Variants in RAB11FIP5 observed in about 807,000 individuals in gnomAD.
The protein encoded by RAB11FIP5 is rab11 family-interacting protein 5.
Under a neutral mutation model 85.1 loss-of-function variants are expected in RAB11FIP5, and 48 were observed. The observed-to-expected ratio is 0.56, with a 90% CI of 0.45 to 0.72. The LOEUF (loss-of-function observed/expected upper bound fraction) is 0.72. Ranked by LOEUF, RAB11FIP5 falls within the 30% of genes least tolerant of loss-of-function variation. The pLI is 0.00. For synonymous variants in RAB11FIP5, 729 were observed against 727.3 expected, an observed-to-expected ratio of 1.00 and a Z score of -0.04; for missense variants, 1,491 against 1,687.0, an observed-to-expected ratio of 0.88 and a Z score of 2.04.
chr2:73,082,651 T>C (rs1001091597), intron 3 of RAB11FIP5, among the ~76,000 whole-genome samples: 2 of 152,214 alleles, frequency 1.3e-5, no homozygotes, highest in Non-Finnish European at 2.9e-5. Context: ...GCAGCAACTC[T>C]GGATGTCACC....
In RAB11FIP5 at chr2:73,075,865, G is replaced by T; in HGVS notation, c.3771+128C>A. The T allele has an allele frequency of 1.4e-6, 2 of 1,450,800 alleles. No individual in the cohort carries two copies. The highest frequency in any genetic ancestry group is 1.9e-6 in the Non-Finnish European group (2 of 1,064,362). The allele number at this position is 1,450,800 out of a possible 1,614,324, so 89.9% of individuals were successfully genotyped here. A position where few individuals can be genotyped will look rare whatever the true frequency, so the allele number is the denominator to read the frequency against. On this transcript the variant is annotated intron_variant, in intron 5 of 5. Coordinates refer to ENST00000486777, the MANE Select transcript of RAB11FIP5 (RefSeq NM_001371272.1). The surrounding 1 kb of genome is among the most constrained non-coding windows in gnomAD (Gnocchi z 4.6). ...CAGGCTGCCTGTCTCCAAAGTCAGA[G>T]CCTAACTGGCTTCAGGACTCTGATA...
At position 73,112,458 on chromosome 2, in the gene RAB11FIP5, T is replaced by C; in HGVS notation, c.320A>G (p.Glu107Gly). 6.6e-7 allele frequency: 1 copy of C among 1,508,258 alleles called. No individual in the cohort carries two copies. The highest frequency in any genetic ancestry group is 2.5e-5 in the Admixed American group (1 of 39,428). The allele number at this position is 1,508,258 out of a possible 1,614,324, so 93.4% of individuals were successfully genotyped here. A position where few individuals can be genotyped will look rare whatever the true frequency, so the allele number is the denominator to read the frequency against. ...PWAASSAAACELVLTTMHRSL... is the reference protein window; with the variant it reads ...PWAASSAAACGLVLTTMHRSL... Reference sequence around the variant, plus strand: ...GCGGTGCATGGTGGTGAGCACCAGCTCGCAGGCGGCGGCGGAGCTCGCGGC... The same window carrying C: ...GCGGTGCATGGTGGTGAGCACCAGCCCGCAGGCGGCGGCGGAGCTCGCGGC... Residue 107 changes from glutamate to glycine, a missense_variant, in exon 1 of 6, where the codon GAG (glutamate) becomes GGG (glycine). Physicochemically the swap from Glu to Gly is moderately conservative, Grantham distance 98. Coordinates refer to ENST00000486777, the MANE Select transcript of RAB11FIP5 (RefSeq NM_001371272.1).
In RAB11FIP5 at chr2:73,112,378, C is replaced by A. The variant is rs779626542; in HGVS notation, c.400G>T (p.Val134Phe). The A allele has an allele frequency of 1.9e-6, 3 of 1,600,604 alleles. 1 individual carries two copies. The South Asian group carries it at 3.3e-5, about 18-fold the overall frequency. Reference sequence around the variant, plus strand: ...TGCTGGGCGCGGCCTGCGCCGAAGACCTCGTCCAGCGCCACCGTGGCCTGG... The same window carrying A: ...TGCTGGGCGCGGCCTGCGCCGAAGAACTCGTCCAGCGCCACCGTGGCCTGG... ...LGQATVALDE[V>F]FGAGRAQHTQ... is the part of the protein sequence containing the mutation. The change falls in exon 1 of 6, where the codon GTC becomes TTC. Residue 134 changes from valine (V) to phenylalanine (F), a missense_variant. Coordinates refer to ENST00000486777, the MANE Select transcript of RAB11FIP5 (RefSeq NM_001371272.1).
chr2:73,094,559 T>C (rs1434439854), intron 1 of RAB11FIP5, among the ~76,000 whole-genome samples: 2 of 152,134 alleles, frequency 1.3e-5, no homozygotes, highest in African/African-American at 4.8e-5. Flanking sequence ...TGGTTATCTA[T>C]ATTTCTCAGT....
intron 1 of RAB11FIP5, among the ~76,000 whole-genome samples, chr2:73,103,261 A>G (rs1296165671): frequency 6.6e-6 from 1 of 152,142 alleles, no homozygotes; most frequent in African/African-American, 2.4e-5. Flanking sequence ...CTTTGGAGGG[A>G]GCCCAGGTCC....
Position 73,081,399 on chromosome 2 carries a change from C to T in RAB11FIP5, c.1833G>A (p.Glu611=). The part of the protein sequence containing the change: ...TSLQSNPFFE[E]LIADIALNSP... ...AGTTTAGTGCTATGTCGGCTATGAGCTCCTCGAAGAAGGGGTTGCTCTGCA... is the reference window on the plus strand; with the variant it reads ...AGTTTAGTGCTATGTCGGCTATGAGTTCCTCGAAGAAGGGGTTGCTCTGCA... The change falls in exon 4 of 6, where the codon GAG becomes GAA. Residue 611 remains glutamate (E), a synonymous_variant. Coordinates refer to ENST00000486777, the MANE Select transcript of RAB11FIP5 (RefSeq NM_001371272.1). This position sits in a 1 kb window ranked among gnomAD's most constrained non-coding sequence, Gnocchi z 4.2. 1 of 1,232,548 alleles carries T rather than the reference C, an allele frequency of 8.1e-7. No individual in the cohort carries two copies. The highest frequency in any genetic ancestry group is 3.1e-4 in the Middle Eastern group (1 of 3,222). 76.4% of individuals were successfully genotyped at this position (1,232,548 alleles called of 1,614,324 possible).
chr2:73,110,484 C>CCT (rs1553366312), intron 1 of RAB11FIP5, among the ~76,000 whole-genome samples: 12 of 152,126 alleles, frequency 7.9e-5, no homozygotes, highest in South Asian at 2.1e-4. Flanking sequence ...CCTGTTCCCC[C>CCT]CCCGGTTCTA....
chr2:73,091,794 C>T (rs1462522654), intron 1 of RAB11FIP5, among the ~76,000 whole-genome samples: 4 of 152,194 alleles, frequency 2.6e-5, no homozygotes, highest in East Asian at 3.8e-4. Context: ...CCGTCCCCTC[C>T]GTGGAGACCT....
chr2:73,108,184 G>C (rs1233241621), intron 1 of RAB11FIP5, among the ~76,000 whole-genome samples: 1 of 152,204 alleles, frequency 6.6e-6, no homozygotes, highest in East Asian at 1.9e-4. Context: ...GCTGAACGGA[G>C]CCTCTTGCAG....
chr2:73,095,537 T>C (rs1242380810), intron 1 of RAB11FIP5, among the ~76,000 whole-genome samples: 1 of 152,214 alleles, frequency 6.6e-6, no homozygotes, highest in Non-Finnish European at 1.5e-5. Flanking sequence ...GAGCTGACCC[T>C]GCTGAGGGCT....
Position 73,112,584 on chromosome 2 carries a change from C to T in RAB11FIP5, c.194G>A (p.Gly65Asp). The change falls in exon 1 of 6, where the codon GGC becomes GAC. Residue 65 changes from glycine to aspartate, a missense_variant. Around this residue, in one of 3 missense-constraint regions of RAB11FIP5, gnomAD observed 1,211 missense variants for 1,338.0 expected, o/e 0.91. Transcript: ENST00000486777. ...GCACTCCTCACGCCACTCGGGGCAG[C>T]CGTGCGTCTTCTCCACCACCGACGT... is the stretch of plus-strand genomic sequence containing the variant. ...YSTSVVEKTH[G>D]CPEWREECSF... is the part of the protein sequence containing the mutation. 6.3e-7 allele frequency: 1 copy of T among 1,597,598 alleles called. No homozygotes were observed. Among genetic ancestry groups the T allele is most frequent in the Admixed American group, 1.7e-5 (1 of 58,776 alleles).
At chr2:73,100,809 T>G (rs58219425) in intron 1 of RAB11FIP5, among the ~76,000 whole-genome samples, 4,908 of 147,304 alleles carry the variant, frequency 0.033, 247 homozygotes, top group African/African-American at 0.12. Context: ...TGTTTTTTTG[T>G]TTTTTTTTGT....
chr2:73,091,611 A>G (rs1240243042), intron 1 of RAB11FIP5, among the ~76,000 whole-genome samples: 7 of 152,166 alleles, frequency 4.6e-5, no homozygotes, highest in African/African-American at 1.2e-4. Context: ...AAAAGTCCCT[A>G]TACATCCAAA....
intron 3 of RAB11FIP5, among the ~76,000 whole-genome samples, chr2:73,085,498 G>C (rs1338322669): frequency 6.6e-6 from 1 of 152,200 alleles, no homozygotes; most frequent in Non-Finnish European, 1.5e-5. Flanking sequence ...AAACACACGT[G>C]AAGTAGCCTG....
At chr2:73,100,357 T>C (rs1245465231) in intron 1 of RAB11FIP5, among the ~76,000 whole-genome samples, 2 of 151,826 alleles carry the variant, frequency 1.3e-5, no homozygotes, top group East Asian at 1.9e-4. Flanking sequence ...GACAGCACCA[T>C]GGGCAGGGCA....
rs1574293518 is a variant in RAB11FIP5, at chr2:73,080,211, G to A, written c.3021C>T (p.His1007=). The A allele has an allele frequency of 8.1e-7, 1 of 1,232,230 alleles. No individual in the cohort carries two copies. Among genetic ancestry groups the A allele is most frequent in the African/African-American group, 1.6e-5 (1 of 64,386 alleles). 76.3% of individuals were successfully genotyped at this position (1,232,230 alleles called of 1,614,324 possible). The change falls in exon 4 of 6, where the codon CAC becomes CAT. Residue 1007 remains histidine, a synonymous_variant. Transcript: ENST00000486777. The part of the protein sequence containing the change: ...CPEGPAPIPC[H]SKSLALQSQH... The stretch of plus-strand genomic sequence containing the variant: ...GACTCTGAAGAGCCAAGCTCTTTGA[G>A]TGACAGGGTATGGGGGCAGGACCCT...
intron 4 of RAB11FIP5, among the ~76,000 whole-genome samples, chr2:73,076,519 C>T (rs925467364): frequency 6.6e-6 from 1 of 152,138 alleles, no homozygotes; most frequent in African/African-American, 2.4e-5. Flanking sequence ...CTCCCCCAGC[C>T]ATCTTCCCTC....
In RAB11FIP5 at chr2:73,112,611, C is replaced by T; in HGVS notation, c.167G>A (p.Ser56Asn). 5 of 1,602,182 alleles carry T rather than the reference C, an allele frequency of 3.1e-6. No homozygotes were observed. The highest frequency in any genetic ancestry group is 4.3e-6 in the Non-Finnish European group (5 of 1,175,794). The part of the protein sequence containing the change: ...TVIQVGREKY[S>N]TSVVEKTHGC... ...GTGCGTCTTCTCCACCACCGACGTA[C>T]TGTACTTCTCGCGGCCCACCTGGAT... The change falls in exon 1 of 6, where the codon AGT (serine) becomes AAT (asparagine). Residue 56 changes from serine to asparagine, a missense_variant. Ser to Asn is a conservative substitution (Grantham distance 46). This residue lies in a region of RAB11FIP5 where 1,211 missense variants were observed against 1,338.0 expected (regional missense o/e 0.91). Transcript: ENST00000486777.
At chr2:73,092,614 G>A (rs578085677) in intron 1 of RAB11FIP5, among the ~76,000 whole-genome samples, 2 of 152,184 alleles carry the variant, frequency 1.3e-5, no homozygotes, top group Admixed American at 6.5e-5. Context: ...AGGACCTTTT[G>A]GGCCTCTCTC....
Sources: allele counts gnomAD v4.1 joint callset (sites outside exome capture counted in the v4.1 genomes callset), GRCh38; gene constraint gnomAD v4.1.1; regional missense constraint gnomAD v4.1.1; non-coding constraint Gnocchi (gnomAD v3.1); transcripts MANE v1.5; gene names NCBI Gene and HGNC (gene_info 2026-07-23, HGNC 2026-07-21).